FAM107B: variants seen among roughly 807,000 people sequenced by gnomAD.
FAM107B encodes family with sequence similarity 107 member B, also known as protein FAM107B.
In FAM107B, 21 loss-of-function variants were observed where a neutral mutation model predicts 31.5. That is an observed-to-expected ratio of 0.67 (90% CI 0.47 to 0.96). The LOEUF is 0.96. Ranked by LOEUF, FAM107B falls within the 40% of genes least tolerant of loss-of-function variation. FAM107B has a pLI of 0.00. For synonymous variants in FAM107B, 157 were observed against 141.5 expected (o/e 1.11, Z -0.78); for missense variants, 452 against 377.1 (o/e 1.20, Z -1.64).
At chr10:14,675,201 G>T (rs1398357110) in intron 1 of FAM107B, among the ~76,000 whole-genome samples, 1 of 152,092 alleles carries the variant, frequency 6.6e-6, no homozygotes, top group Non-Finnish European at 1.5e-5. Flanking sequence ...TTCATGTGAG[G>T]CTCAGACCAT....
At chr10:14,525,794 C>T (rs1021223560) in intron 3 of FAM107B, among the ~76,000 whole-genome samples, 36 of 152,182 alleles carry the variant, frequency 2.4e-4, no homozygotes, top group African/African-American at 7.7e-4. Flanking sequence ...TTCATAGAAG[C>T]GGAGTTGCTG....
At chr10:14,744,256 A>G (rs1438833758) in intron 1 of FAM107B, among the ~76,000 whole-genome samples, 1 of 152,120 alleles carries the variant, frequency 6.6e-6, no homozygotes, top group Non-Finnish European at 1.5e-5. Flanking sequence ...GGGTGGAGAC[A>G]ATGGGGTTTT....
At chr10:14,691,037 A>G (rs1342982906) in intron 1 of FAM107B, among the ~76,000 whole-genome samples, 2 of 151,784 alleles carry the variant, frequency 1.3e-5, no homozygotes, top group Non-Finnish European at 2.9e-5. Flanking sequence ...CCTTGTTATG[A>G]TCAGGCTTAT....
At chr10:14,545,055 G>A (rs184235747) in intron 2 of FAM107B, among the ~76,000 whole-genome samples, 145 of 152,224 alleles carry the variant, frequency 9.5e-4, no homozygotes, top group African/African-American at 3.4e-3. Context: ...CCGGCAACCT[G>A]TGTTTTATCA....
Position 14,620,606 on chromosome 10 carries a change from C to T in FAM107B, c.469+47028G>A, listed in dbSNP as rs1049133020. ...TGCAGGTTTCTTACATAGGTATACA[C>T]GTGCCATATTGGTTTGCTGCACCCA... is the stretch of plus-strand genomic sequence containing the variant. On this transcript the variant is annotated intron_variant, in intron 2 of 4. Coordinates refer to ENST00000181796, the MANE Select transcript of FAM107B (RefSeq NM_031453.4). 3.3e-5 allele frequency among the ~76,000 whole-genome samples: 5 copies of T among 152,122 alleles called. No individual in the cohort carries two copies. In the East Asian group the frequency reaches 7.7e-4, roughly 23 times the overall value.
intron 1 of FAM107B, among the ~76,000 whole-genome samples, chr10:14,752,022 A>G (rs1454350431): frequency 5.3e-5 from 8 of 152,180 alleles, no homozygotes. Context: ...TGAAATACCC[A>G]CTGGTTTCCC....
At chr10:14,668,643 A>G (rs1330680840) in intron 1 of FAM107B, among the ~76,000 whole-genome samples, 1 of 152,220 alleles carries the variant, frequency 6.6e-6, no homozygotes, top group Non-Finnish European at 1.5e-5. Flanking sequence ...CTGCAAGATG[A>G]CTTTACGCCA....
intron 1 of FAM107B, among the ~76,000 whole-genome samples, chr10:14,717,957 T>A (rs1467442173): frequency 1.3e-5 from 2 of 152,212 alleles, no homozygotes; most frequent in Admixed American, 6.5e-5. Flanking sequence ...AGGGGTTTTA[T>A]GAATTTGGAG....
intron 2 of FAM107B, among the ~76,000 whole-genome samples, chr10:14,551,063 T>G (rs1404367894): frequency 6.6e-6 from 1 of 152,246 alleles, no homozygotes; most frequent in Non-Finnish European, 1.5e-5. Flanking sequence ...ATTAAGTACT[T>G]AAAAATGTAG....
At chr10:14,771,454 T>C (rs1340524505) in intron 1 of FAM107B, among the ~76,000 whole-genome samples, 2 of 152,228 alleles carry the variant, frequency 1.3e-5, no homozygotes, top group Non-Finnish European at 2.9e-5. Context: ...TTATTGTGTA[T>C]TTCAAAATAG....
At chr10:14,678,485 G>C (rs907476309) in intron 1 of FAM107B, among the ~76,000 whole-genome samples, 1 of 152,086 alleles carries the variant, frequency 6.6e-6, no homozygotes, top group Non-Finnish European at 1.5e-5. Context: ...AGGAAACGTG[G>C]GGGACACTGC....
At chr10:14,560,923 G>C (rs1428674034) in intron 2 of FAM107B, among the ~76,000 whole-genome samples, 2 of 152,210 alleles carry the variant, frequency 1.3e-5, no homozygotes, top group Non-Finnish European at 2.9e-5. Flanking sequence ...CTGGGAGACA[G>C]CTGGCAGCAA....
intron 3 of FAM107B, among the ~76,000 whole-genome samples, chr10:14,523,916 G>C (rs1845935179): frequency 6.7e-6 from 1 of 150,058 alleles, no homozygotes; most frequent in Non-Finnish European, 1.5e-5. Flanking sequence ...GCCCGGGCTG[G>C]AGTGCAGCGG....
At chr10:14,584,057 A>G (rs1431276095) in intron 2 of FAM107B, among the ~76,000 whole-genome samples, 1 of 152,214 alleles carries the variant, frequency 6.6e-6, no homozygotes, top group African/African-American at 2.4e-5. Flanking sequence ...ACTCCGGCAG[A>G]TCCAGATGCT....
intron 2 of FAM107B, among the ~76,000 whole-genome samples, chr10:14,629,838 G>A (rs1291374441): frequency 6.6e-6 from 1 of 151,404 alleles, no homozygotes; most frequent in African/African-American, 2.4e-5. Context: ...AAAATTTATT[G>A]TTATTATATA....
intron 1 of FAM107B, among the ~76,000 whole-genome samples, chr10:14,697,959 T>TA (rs748811810): frequency 9.9e-5 from 15 of 152,226 alleles, no homozygotes; most frequent in Admixed American, 7.9e-4. Context: ...ACCCCATCTC[T>TA]ATTAAAAATA....
intron 2 of FAM107B, among the ~76,000 whole-genome samples, chr10:14,562,009 C>T (rs1298633701): frequency 1.3e-5 from 2 of 152,182 alleles, no homozygotes; most frequent in African/African-American, 2.4e-5. Flanking sequence ...TGGTCTCAAA[C>T]TCCTGATCTC....
At chr10:14,685,025 C>G (rs897912290) in intron 1 of FAM107B, among the ~76,000 whole-genome samples, 1 of 151,964 alleles carries the variant, frequency 6.6e-6, no homozygotes, top group Non-Finnish European at 1.5e-5. Flanking sequence ...GACATGGGGT[C>G]TCCCTATCAA....
At chr10:14,742,183 C>T (rs563018862) in intron 1 of FAM107B, among the ~76,000 whole-genome samples, 1 of 152,234 alleles carries the variant, frequency 6.6e-6, no homozygotes, top group South Asian at 2.1e-4. Flanking sequence ...AAAATCATGA[C>T]CCAACTCACT....
Sources: allele counts gnomAD v4.1 joint callset (sites outside exome capture counted in the v4.1 genomes callset), GRCh38; gene constraint gnomAD v4.1.1; transcripts MANE v1.5; gene names NCBI Gene and HGNC (gene_info 2026-07-23, HGNC 2026-07-21).